Variants in ZNF536 observed in about 807,000 individuals in gnomAD.
ZNF536 encodes zinc finger protein 536.
Under a neutral mutation model 84.5 loss-of-function variants are expected in ZNF536, and 13 were observed. The ratio of observed to expected loss-of-function variants is 0.15; its 90% CI spans 0.10 to 0.24. The LOEUF (loss-of-function observed/expected upper bound fraction) is 0.24. Among genes scored for constraint, ZNF536 ranks in the 10% least tolerant of loss-of-function variants. ZNF536 has a pLI of 1.00. For missense variants in ZNF536, 1,536 were observed against 1,747.5 expected (o/e 0.88, Z 2.16); for synonymous variants, 811 against 742.5 (o/e 1.09, Z -1.50).
At chr19:30,485,462 A>G (rs2054269023) in intron 2 of ZNF536, among the ~76,000 whole-genome samples, 1 of 152,210 alleles carries the variant, frequency 6.6e-6, no homozygotes, top group Admixed American at 6.5e-5. Context: ...TCCCAGCCCA[A>G]GACAACCGCA....
intron 1 of ZNF536, among the ~76,000 whole-genome samples, chr19:30,565,385 C>A (rs2046314574): frequency 6.6e-6 from 1 of 152,106 alleles, no homozygotes. Flanking sequence ...CGGACTTGTT[C>A]CGAGCCTTGC....
intron 3 of ZNF536, among the ~76,000 whole-genome samples, chr19:30,541,816 A>T (rs1379735769): frequency 6.6e-6 from 1 of 152,218 alleles, no homozygotes; most frequent in East Asian, 1.9e-4. Context: ...AGTGACAGCA[A>T]TTAGAGACAC....
chr19:30,466,604 A>AG (rs1568460022), intron 2 of ZNF536, among the ~76,000 whole-genome samples: 1 of 106,636 alleles, frequency 9.4e-6, no homozygotes, highest in African/African-American at 4.5e-5. Flanking sequence ...GAGAGAGAGA[A>AG]AGAAAAGAGA....
At chr19:30,552,164 A>C (rs919986192) in intron 4 of ZNF536, among the ~76,000 whole-genome samples, 41 of 152,300 alleles carry the variant, frequency 2.7e-4, no homozygotes, top group Non-Finnish European at 2.4e-4. Context: ...ACAATGAATA[A>C]AATATTTCTA....
chr19:30,566,490 A>G (rs931623789), intron 1 of ZNF536, among the ~76,000 whole-genome samples: 2 of 152,274 alleles, frequency 1.3e-5, no homozygotes, highest in African/African-American at 4.8e-5. Flanking sequence ...AAGGATGTGG[A>G]TGGAGTATTT....
At chr19:30,244,452 G>A (rs2024135983) in intron 1 of ZNF536, among the ~76,000 whole-genome samples, 1 of 152,174 alleles carries the variant, frequency 6.6e-6, no homozygotes, top group East Asian at 1.9e-4. Context: ...ATAACATACA[G>A]TGCATATTAT....
At chr19:30,238,426 C>T (rs200113648) in intron 1 of ZNF536, among the ~76,000 whole-genome samples, 5 of 80,260 alleles carry the variant, frequency 6.2e-5, no homozygotes, top group Non-Finnish European at 1.2e-4. Context: ...TACCATGTAT[C>T]TAGGCCACAC....
At chr19:30,614,875 A>C (rs943939420) in intron 1 of ZNF536, among the ~76,000 whole-genome samples, 7 of 146,098 alleles carry the variant, frequency 4.8e-5, no homozygotes, top group African/African-American at 1.8e-4. Flanking sequence ...ACGTTATGGC[A>C]TCTATGACGT....
chr19:30,478,195 A>G (rs2053928898), intron 2 of ZNF536, among the ~76,000 whole-genome samples: 1 of 145,884 alleles, frequency 6.9e-6, no homozygotes, highest in South Asian at 2.2e-4. Flanking sequence ...TTTATGTTTG[A>G]CCCTGAGAAC....
intron 1 of ZNF536, among the ~76,000 whole-genome samples, chr19:30,650,560 T>G (rs193195574): frequency 6.6e-4 from 101 of 152,318 alleles, no homozygotes; most frequent in African/African-American, 2.4e-3. Context: ...TGAGCATTTC[T>G]GTAAATAAGC....
chr19:30,688,290 C>T (rs933948871), intron 1 of ZNF536, among the ~76,000 whole-genome samples: 7 of 152,140 alleles, frequency 4.6e-5, no homozygotes, highest in Non-Finnish European at 1.0e-4. Flanking sequence ...TTCTGTATTT[C>T]GTTTTCATGT....
intron 1 of ZNF536, chr19:30,436,380 A>G: frequency 6.0e-6 from 3 of 499,144 alleles, no homozygotes; most frequent in Non-Finnish European, 7.8e-6. Context: ...TCATCTGGCA[A>G]ATAAACCACT....
intron 1 of ZNF536, among the ~76,000 whole-genome samples, chr19:30,252,516 C>A (rs1360560271): frequency 6.6e-6 from 1 of 152,164 alleles, no homozygotes; most frequent in Non-Finnish European, 1.5e-5. Context: ...TCCTGTGATG[C>A]GAATGGACCC....
At chr19:30,239,624 T>C (rs1249739515) in intron 1 of ZNF536, among the ~76,000 whole-genome samples, 5 of 152,216 alleles carry the variant, frequency 3.3e-5, no homozygotes, top group Non-Finnish European at 7.3e-5. Flanking sequence ...TTTCTGAGCA[T>C]GGGAATTATT....
chr19:30,603,145 C>T (rs969524825), intron 1 of ZNF536, among the ~76,000 whole-genome samples: 7 of 152,194 alleles, frequency 4.6e-5, no homozygotes, highest in African/African-American at 1.7e-4. Flanking sequence ...ATATATTCAA[C>T]GTCTGCCAAG....
At chr19:30,440,776 G>A (rs1302917809) in intron 1 of ZNF536, among the ~76,000 whole-genome samples, 1 of 152,054 alleles carries the variant, frequency 6.6e-6, no homozygotes, top group African/African-American at 2.4e-5. Flanking sequence ...CTATGAAAGA[G>A]CCGGGGCAGC....
At chr19:30,561,601 C>T (rs1039410755), downstream of ZNF536, among the ~76,000 whole-genome samples, 1 of 152,166 alleles carries the variant, frequency 6.6e-6, no homozygotes, top group African/African-American at 2.4e-5. Flanking sequence ...CACAGGTGCA[C>T]TCATGAGAGG....
At chr19:30,656,421 G>C (rs1259803986) in intron 1 of ZNF536, among the ~76,000 whole-genome samples, 1 of 152,158 alleles carries the variant, frequency 6.6e-6, no homozygotes, top group Non-Finnish European at 1.5e-5. Flanking sequence ...CATGCTTTTG[G>C]TTATCCCCTT....
intron 1 of ZNF536, among the ~76,000 whole-genome samples, chr19:30,692,539 G>T (rs776579542): frequency 6.6e-6 from 1 of 152,210 alleles, no homozygotes; most frequent in Non-Finnish European, 1.5e-5. Context: ...AGTTTAAGGG[G>T]GGAAATCTCA....
Sources: gnomAD v4.1 joint callset for allele counts (sites outside exome capture counted in the v4.1 genomes callset) on GRCh38, gnomAD v4.1.1 for gene constraint, MANE v1.5 for transcripts, NCBI Gene and HGNC (gene_info 2026-07-23, HGNC 2026-07-21) for gene names.